The following ARHGEF28 variants were observed in gnomAD, a reference collection of about 807,000 sequenced individuals.
ARHGEF28 encodes Rho guanine nucleotide exchange factor 28, also known as 190 kDa guanine nucleotide exchange factor.
A neutral mutation model predicts 206.6 loss-of-function variants in ARHGEF28; 152 were observed. The ratio of observed to expected loss-of-function variants is 0.74; its 90% CI spans 0.64 to 0.84. The LOEUF (loss-of-function observed/expected upper bound fraction) is 0.84. ARHGEF28 is among the 40% of genes least tolerant of loss of function. ARHGEF28 has a pLI of 0.00. For missense variants in ARHGEF28, 2,028 were observed against 2,073.2 expected (o/e 0.98, Z 0.42); for synonymous variants, 763 against 776.4 (o/e 0.98, Z 0.29).
chr5:73,719,543 C>T lies in ARHGEF28; in HGVS notation c.34-30294C>T, dbSNP rs796290157. Among the ~76,000 whole-genome samples the T allele has an allele frequency of 1.5e-3, 228 of 152,264 alleles. 1 individual carries two copies. The highest frequency in any genetic ancestry group is 5.3e-3 in the African/African-American group (221 of 41,566). ...TTTCAGAAACTGACATTTCTCTTTT[C>T]CTTTCTGCAGCAACAGTGCTAAAAT... On this transcript the variant is annotated intron_variant, in intron 2 of 35. Coordinates refer to ENST00000513042, the MANE Select transcript of ARHGEF28 (RefSeq NM_001177693.2).
chr5:73,630,688 A>T (rs190992779), intron 1 of ARHGEF28, among the ~76,000 whole-genome samples: 4 of 152,268 alleles, frequency 2.6e-5, no homozygotes, highest in Non-Finnish European at 4.4e-5. Flanking sequence ...ACCTTGGGTG[A>T]ATATTCCTAC....
At chr5:73,833,802 T>G (rs999849272) in intron 10 of ARHGEF28, among the ~76,000 whole-genome samples, 2 of 151,934 alleles carry the variant, frequency 1.3e-5, no homozygotes, top group Non-Finnish European at 2.9e-5. Context: ...GGAGAGAAAA[T>G]GAGTGCTGAG....
chr5:73,918,237 T>C (rs1306042849), intron 35 of ARHGEF28, among the ~76,000 whole-genome samples: 1 of 152,244 alleles, frequency 6.6e-6, no homozygotes, highest in African/African-American at 2.4e-5. Context: ...ATCGGATCTT[T>C]GTTACAACTA....
At chr5:73,686,985 T>C (rs998638957) in intron 2 of ARHGEF28, among the ~76,000 whole-genome samples, 1 of 152,196 alleles carries the variant, frequency 6.6e-6, no homozygotes. Flanking sequence ...TTTCTTCTCA[T>C]TTTAACATCT....
At chr5:73,816,969 G>GTTTT (rs1281293415) in intron 9 of ARHGEF28, among the ~76,000 whole-genome samples, 7 of 151,980 alleles carry the variant, frequency 4.6e-5, no homozygotes, top group Admixed American at 1.3e-4. Flanking sequence ...GTTTTGTTTT[G>GTTTT]TTTTTGTTTT....
chr5:73,845,239 G>T (rs976242177), intron 11 of ARHGEF28, among the ~76,000 whole-genome samples: 3 of 152,006 alleles, frequency 2.0e-5, no homozygotes, highest in African/African-American at 7.2e-5. Context: ...GGATGGTCTC[G>T]ATCTCTGACC....
intron 8 of ARHGEF28, among the ~76,000 whole-genome samples, chr5:73,794,936 A>G (rs374213118): frequency 4.3e-4 from 65 of 152,278 alleles, no homozygotes; most frequent in Middle Eastern, 3.4e-3. Flanking sequence ...CTTAATCCCT[A>G]TTCTTTATAA....
intron 16 of ARHGEF28, among the ~76,000 whole-genome samples, chr5:73,860,852 C>T (rs1759354273): frequency 6.6e-6 from 1 of 152,158 alleles, no homozygotes; most frequent in South Asian, 2.1e-4. Flanking sequence ...CCCCTAGGCC[C>T]CCCTTCAGCC....
intron 2 of ARHGEF28, among the ~76,000 whole-genome samples, chr5:73,693,368 C>T (rs973361456): frequency 2.6e-5 from 4 of 152,182 alleles, no homozygotes; most frequent in African/African-American, 9.7e-5. Context: ...TCTTTTATCT[C>T]ACTAGAGGAT....
At position 73,873,199 on chromosome 5, in the gene ARHGEF28, G is replaced by A. The variant is rs748371729; in HGVS notation, c.2767G>A (p.Asp923Asn). Residue 923 changes from aspartate to asparagine, a missense_variant, in exon 22 of 36, where the codon GAC (aspartate) becomes AAC (asparagine). Asp to Asn is a conservative substitution (Grantham distance 23, BLOSUM62 1). This residue lies in a region of ARHGEF28 where 223 missense variants were observed against 289.9 expected (regional missense o/e 0.77). Coordinates refer to ENST00000513042, the MANE Select transcript of ARHGEF28 (RefSeq NM_001177693.2). Reference sequence around the variant, plus strand: ...AAGGCAGGAATCCTGTGCTGGCAGCGACAGGAATTTTGTGATCGACCGAAT... The same window carrying A: ...AAGGCAGGAATCCTGTGCTGGCAGCAACAGGAATTTTGTGATCGACCGAAT... ...ERRQESCAGS[D>N]RNFVIDRIGD... 9.9e-6 allele frequency: 16 copies of A among 1,611,738 alleles called. No homozygotes were observed. The highest frequency in any genetic ancestry group is 5.3e-5 in the African/African-American group (4 of 74,890).
intron 2 of ARHGEF28, among the ~76,000 whole-genome samples, chr5:73,699,428 T>G (rs1459425434): frequency 1.3e-5 from 2 of 148,536 alleles, no homozygotes; most frequent in Non-Finnish European, 1.5e-5. Flanking sequence ...GAGAGAGAGA[T>G]TGATTTAGGG....
chr5:73,649,576 C>T (rs1744665956), intron 1 of ARHGEF28, among the ~76,000 whole-genome samples: 2 of 152,226 alleles, frequency 1.3e-5, no homozygotes, highest in Non-Finnish European at 2.9e-5. Flanking sequence ...GGGGCATGCT[C>T]CTAGTGAGTA....
At chr5:73,793,789 T>C (rs1198451369) in intron 7 of ARHGEF28, among the ~76,000 whole-genome samples, 1 of 134,918 alleles carries the variant, frequency 7.4e-6, no homozygotes, top group Non-Finnish European at 1.5e-5. Flanking sequence ...AATGCTGCCT[T>C]GGGTGAACCT....
At chr5:73,777,766 C>A (rs1198120482) in intron 6 of ARHGEF28, among the ~76,000 whole-genome samples, 3 of 152,088 alleles carry the variant, frequency 2.0e-5, no homozygotes, top group African/African-American at 4.8e-5. Flanking sequence ...TTTAAGGATG[C>A]TTGTCATTTA....
chr5:73,814,145 T>A (rs1756032202), intron 9 of ARHGEF28, among the ~76,000 whole-genome samples: 1 of 152,168 alleles, frequency 6.6e-6, no homozygotes, highest in Admixed American at 6.5e-5. Context: ...AGAAAATTTT[T>A]CTATTTTATA....
chr5:73,866,079 T>G (rs1759687456), intron 18 of ARHGEF28, 66 bp downstream of exon 18: 3 of 1,229,902 alleles, frequency 2.4e-6, no homozygotes, highest in Non-Finnish European at 3.4e-6. Context: ...TTTTCCATTA[T>G]AAAAATATCT....
chr5:73,760,159 T>A (rs553891274), intron 4 of ARHGEF28, among the ~76,000 whole-genome samples: 1 of 152,328 alleles, frequency 6.6e-6, no homozygotes, highest in Admixed American at 6.5e-5. Flanking sequence ...GGCCCACAGA[T>A]GAAGTAAAAT....
At chr5:73,897,797 C>G (rs1054789848) in intron 29 of ARHGEF28, among the ~76,000 whole-genome samples, 165 bp from the exon 30 acceptor site, 1 of 152,208 alleles carries the variant, frequency 6.6e-6, no homozygotes, top group Non-Finnish European at 1.5e-5. Context: ...CGTGCGTAGG[C>G]ACATGCCCAT....
At chr5:73,771,072 G>A (rs972015748) in intron 4 of ARHGEF28, among the ~76,000 whole-genome samples, 1 of 152,200 alleles carries the variant, frequency 6.6e-6, no homozygotes, top group Admixed American at 6.5e-5. Flanking sequence ...AGACATGGCA[G>A]AAAGTGTTAC....
Sources: allele counts gnomAD v4.1 joint callset (sites outside exome capture counted in the v4.1 genomes callset), GRCh38; gene constraint gnomAD v4.1.1; regional missense constraint gnomAD v4.1.1; transcripts MANE v1.5; gene names NCBI Gene and HGNC (gene_info 2026-07-23, HGNC 2026-07-21).